Variants in ENOX1 observed in about 807,000 individuals in gnomAD.
ENOX1 encodes candidate growth-related and time keeping constitutive hydroquinone (NADH) oxidase.
A neutral mutation model predicts 82.5 loss-of-function variants in ENOX1; 42 were observed. That is an observed-to-expected ratio of 0.51 (90% CI 0.40 to 0.66). The LOEUF (loss-of-function observed/expected upper bound fraction) is 0.66. ENOX1 is among the 30% of genes least tolerant of loss of function. ENOX1 has a pLI of 0.00. For synonymous variants in ENOX1, 271 were observed against 282.2 expected (o/e 0.96, Z 0.40); for missense variants, 608 against 811.6 (o/e 0.75, Z 3.05).
chr13:43,553,961 C>T (rs1176240164), intron 2 of ENOX1, among the ~76,000 whole-genome samples: 1 of 152,080 alleles, frequency 6.6e-6, no homozygotes, highest in Admixed American at 6.6e-5. Context: ...GTTAGTCAGG[C>T]TGGTCTCGAA....
Position 43,439,327 on chromosome 13 carries a change from G to A in ENOX1, c.-74-26339C>T, listed in dbSNP as rs548696520. Among the ~76,000 whole-genome samples the A allele has an allele frequency of 6.7e-4, 102 of 151,860 alleles. 1 individual carries two copies. The highest frequency in any genetic ancestry group is 2.3e-3 in the African/African-American group (97 of 41,414). On this transcript the variant is annotated intron_variant, in intron 3 of 16. Transcript: ENST00000690772. The stretch of plus-strand genomic sequence containing the variant: ...GGCTCACTGCAACCTCTGCCTCCCA[G>A]GTTCAAGTGATTCTCTGACCTCAGC...
intron 1 of ENOX1, among the ~76,000 whole-genome samples, chr13:43,782,472 A>G (rs1404727845): frequency 6.6e-6 from 1 of 152,188 alleles, no homozygotes; most frequent in Non-Finnish European, 1.5e-5. Context: ...TTCTAGCTAG[A>G]ATAAGTTAAT....
At chr13:43,312,098 C>T (rs2047235819) in intron 11 of ENOX1, among the ~76,000 whole-genome samples, 1 of 152,138 alleles carries the variant, frequency 6.6e-6, no homozygotes, top group Non-Finnish European at 1.5e-5. Context: ...CAAATATAAA[C>T]TTGTATTTAT....
rs147015946 is a variant in ENOX1 at position 43,260,255 on chromosome 13, C to T, written c.1611+5143G>A. 7.9e-5 allele frequency among the ~76,000 whole-genome samples: 12 copies of T among 152,298 alleles called. No homozygotes were observed. The East Asian group carries it at 1.7e-3, about 22-fold the overall frequency. On this transcript the variant is annotated intron_variant, in intron 14 of 16. Transcript: ENST00000690772. ...AGGATTTACTTTCTTAAGGAGGTGA[C>T]GTGAAAAACTGAAAAGTCTTTTTTC...
intron 14 of ENOX1, among the ~76,000 whole-genome samples, chr13:43,257,161 G>A (rs1367111033): frequency 1.3e-5 from 2 of 152,154 alleles, no homozygotes; most frequent in Non-Finnish European, 2.9e-5. Context: ...GCAGGGTTAG[G>A]GTTGGGGATG....
chr13:43,560,518 G>A (rs774501300), intron 2 of ENOX1, among the ~76,000 whole-genome samples: 1 of 151,872 alleles, frequency 6.6e-6, no homozygotes, highest in Non-Finnish European at 1.5e-5. Flanking sequence ...TTGCTTGGCT[G>A]TTATATTTTT....
chr13:43,539,393 A>G (rs1034595667), intron 2 of ENOX1, among the ~76,000 whole-genome samples: 64 of 152,192 alleles, frequency 4.2e-4, no homozygotes, highest in African/African-American at 1.5e-3. Context: ...AGGTCAAAAT[A>G]TTTTCTAATT....
rs997471420 is a variant in ENOX1 at position 43,754,258 on chromosome 13, CAT to C, written c.-285+32392_-285+32393del. Among the ~76,000 whole-genome samples, 169 of 146,592 alleles carry C rather than the reference CAT, an allele frequency of 1.2e-3. 1 individual carries two copies. Among genetic ancestry groups the C allele is most frequent in the South Asian group, 2.3e-3 (11 of 4,704 alleles). On this transcript the variant is annotated intron_variant, in intron 1 of 16. Transcript: ENST00000690772. ...ACATATGTATATATACACATATATACATATATACACACACACATATATACATA... is the reference window on the plus strand; with the variant it reads ...ACATATGTATATATACACATATATACATATACACACACACATATATACATA...
At chr13:43,351,099 T>C (rs1243526764) in intron 8 of ENOX1, among the ~76,000 whole-genome samples, 1 of 152,204 alleles carries the variant, frequency 6.6e-6, no homozygotes, top group Non-Finnish European at 1.5e-5. Flanking sequence ...CACAGAGTCA[T>C]CTAAGCAGAT....
chr13:43,353,234 C>A (rs2049925808), intron 8 of ENOX1, among the ~76,000 whole-genome samples: 2 of 152,134 alleles, frequency 1.3e-5, no homozygotes, highest in East Asian at 3.9e-4. Context: ...TACTGAGCAC[C>A]TACTATGTGC....
chr13:43,689,713 T>A (rs1481324185), intron 1 of ENOX1, among the ~76,000 whole-genome samples: 1 of 152,238 alleles, frequency 6.6e-6, no homozygotes, highest in African/African-American at 2.4e-5. Flanking sequence ...TTTTATGTGA[T>A]CTTATACACA....
At chr13:43,582,776 A>G (rs2080806429) in intron 2 of ENOX1, among the ~76,000 whole-genome samples, 1 of 152,116 alleles carries the variant, frequency 6.6e-6, no homozygotes, top group Non-Finnish European at 1.5e-5. Flanking sequence ...GGGTCTTGCT[A>G]TGTTGCCTAG....
At chr13:43,258,116 T>C (rs1281442278) in intron 14 of ENOX1, among the ~76,000 whole-genome samples, 1 of 152,200 alleles carries the variant, frequency 6.6e-6, no homozygotes. Flanking sequence ...TCAGCTGGCA[T>C]TGAGGTGTCT....
chr13:43,662,754 C>T lies in ENOX1; in HGVS notation c.-219+4725G>A, dbSNP rs149831450. 3.8e-3 allele frequency among the ~76,000 whole-genome samples: 584 copies of T among 152,256 alleles called. 3 individuals carry two copies. The highest frequency in any genetic ancestry group is 0.013 in the African/African-American group (535 of 41,558). ...ATGCAATGTCTACTATTAATAAATGCAAGAAGCTGCACTTCCAGCATAAAT... is the reference window on the plus strand; with the variant it reads ...ATGCAATGTCTACTATTAATAAATGTAAGAAGCTGCACTTCCAGCATAAAT... On this transcript the variant is annotated intron_variant, in intron 2 of 16. Coordinates refer to ENST00000690772, the MANE Select transcript of ENOX1 (RefSeq NM_001347969.2).
intron 2 of ENOX1, among the ~76,000 whole-genome samples, chr13:43,604,714 A>G (rs948711377): frequency 1.3e-5 from 2 of 152,192 alleles, no homozygotes; most frequent in African/African-American, 4.8e-5. Flanking sequence ...GATCTGGAAC[A>G]TGACATCAAT....
At chr13:43,559,449 A>G (rs1374205838) in intron 2 of ENOX1, among the ~76,000 whole-genome samples, 1 of 152,210 alleles carries the variant, frequency 6.6e-6, no homozygotes, top group Non-Finnish European at 1.5e-5. Flanking sequence ...TGGGAATCAG[A>G]GGGACTTAAA....
At chr13:43,768,696 A>T (rs1951424109) in intron 1 of ENOX1, among the ~76,000 whole-genome samples, 1 of 152,228 alleles carries the variant, frequency 6.6e-6, no homozygotes, top group Non-Finnish European at 1.5e-5. Flanking sequence ...GCTTTAAAAC[A>T]TACATACACC....
At chr13:43,643,022 C>A (rs1177582483) in intron 2 of ENOX1, among the ~76,000 whole-genome samples, 2 of 152,076 alleles carry the variant, frequency 1.3e-5, no homozygotes, top group African/African-American at 2.4e-5. Flanking sequence ...AAAACAATTA[C>A]AATTATGTAG....
At chr13:43,347,118 G>GA (rs1028292017) in intron 8 of ENOX1, among the ~76,000 whole-genome samples, 26 of 151,474 alleles carry the variant, frequency 1.7e-4, no homozygotes, top group South Asian at 1.5e-3. Flanking sequence ...TTACTATCAG[G>GA]AAAAAAAACA....
Sources: gnomAD v4.1 joint callset for allele counts (sites outside exome capture counted in the v4.1 genomes callset) on GRCh38, gnomAD v4.1.1 for gene constraint, MANE v1.5 for transcripts, NCBI Gene and HGNC (gene_info 2026-07-23, HGNC 2026-07-21) for gene names.